The following MAP3K15 variants were observed in gnomAD, a reference collection of about 807,000 sequenced individuals.
MAP3K15 encodes MAPK/ERK kinase kinase 15.
MAP3K15 carries 124 observed loss-of-function variants against 99.5 expected under a neutral mutation model. The observed-to-expected ratio is 1.25, with a 90% CI of 1.08 to 1.45. The LOEUF (loss-of-function observed/expected upper bound fraction) is 1.45. Among genes scored for constraint, MAP3K15 ranks in the 40% most tolerant of loss-of-function variants. MAP3K15 has a pLI of 0.00. For missense variants in MAP3K15, 1,242 were observed against 1,079.7 expected (o/e 1.15, Z -2.11); for synonymous variants, 494 against 439.6 (o/e 1.12, Z -1.55).
intron 18 of MAP3K15, among the ~76,000 whole-genome samples, chrX:19,381,619 G>A (rs1288298194): frequency 1.8e-5 from 2 of 112,142 alleles, no homozygotes; most frequent in Non-Finnish European, 3.8e-5. Context: ...ACGGGGCAGG[G>A]TGTGGGAATA....
intron 1 of MAP3K15, among the ~76,000 whole-genome samples, chrX:19,498,566 T>C (rs2064421468): frequency 1.8e-5 from 2 of 112,241 alleles, no homozygotes; most frequent in African/African-American, 3.2e-5. Flanking sequence ...GGTTTCATTA[T>C]AGGTCTCTGG....
intron 4 of MAP3K15, among the ~76,000 whole-genome samples, chrX:19,463,534 T>G (rs1181616142): frequency 8.9e-6 from 1 of 112,327 alleles, no homozygotes; most frequent in Non-Finnish European, 1.9e-5. Context: ...TTAAGAAGAA[T>G]AATTTTTCTT....
intron 7 of MAP3K15, among the ~76,000 whole-genome samples, chrX:19,428,008 TGAGAA>T (rs2147306140): frequency 9.0e-6 from 1 of 111,215 alleles, no homozygotes; most frequent in South Asian, 3.9e-4. Flanking sequence ...AAAGTCATAC[TGAGAA>T]GAGGGCAGAA....
chrX:19,383,585 C>T (rs1367867693), intron 18 of MAP3K15, among the ~76,000 whole-genome samples: 1 of 112,024 alleles, frequency 8.9e-6, no homozygotes, highest in East Asian at 2.8e-4. Flanking sequence ...TACCCCTCTG[C>T]CAGGAGATTA....
chrX:19,394,837 A>T (rs867209055), intron 16 of MAP3K15, among the ~76,000 whole-genome samples: 1 of 46,801 alleles, frequency 2.1e-5, no homozygotes, highest in African/African-American at 1.5e-4. Flanking sequence ...TTTTTTTTTA[A>T]AAAGAGTGAT....
At chrX:19,440,928 A>C (rs2063954829) in intron 6 of MAP3K15, among the ~76,000 whole-genome samples, 2 of 112,515 alleles carry the variant, frequency 1.8e-5, no homozygotes, top group African/African-American at 6.5e-5. Context: ...TGAAACATGG[A>C]AAGAAGTAAT....
chrX:19,513,540 G>A (rs2064535430), intron 1 of MAP3K15, among the ~76,000 whole-genome samples: 1 of 111,506 alleles, frequency 9.0e-6, no homozygotes, highest in Admixed American at 9.5e-5. Flanking sequence ...GCTGCCACTT[G>A]TTTAAACAAG....
chrX:19,368,317 G>GTTT (rs1200324302), intron 25 of MAP3K15, among the ~76,000 whole-genome samples: 1 of 109,791 alleles, frequency 9.1e-6, no homozygotes, highest in Non-Finnish European at 1.9e-5. Flanking sequence ...TAATTTTGTA[G>GTTT]TTTTAGAAGA....
intron 9 of MAP3K15, among the ~76,000 whole-genome samples, chrX:19,423,176 TAAGAAA>T (rs1334131176): frequency 9.4e-6 from 1 of 106,553 alleles, no homozygotes; most frequent in Non-Finnish European, 1.9e-5. Flanking sequence ...TAAAGTATAA[TAAGAAA>T]AAAAGAAAAA....
rs756934013 is a variant in MAP3K15, at chrX:19,417,101, A to T, written c.1440-1844T>A. Among the ~76,000 whole-genome samples the T allele has an allele frequency of 2.7e-3, 303 of 112,038 alleles. 1 individual carries two copies. The highest frequency in any genetic ancestry group is 8.6e-3 in the African/African-American group (264 of 30,811). On this transcript the variant is annotated intron_variant, in intron 9 of 28. Transcript: ENST00000338883. ...GGCTGAATACGAACAACTCCAGTCG[A>T]CAGCCCCCAGCATGAGCGATGCAGA...
At chrX:19,372,582 T>A in intron 22 of MAP3K15, 71 bp downstream of exon 22, 1 of 1,031,447 alleles carries the variant, frequency 9.7e-7, no homozygotes, top group Admixed American at 2.8e-5. Flanking sequence ...AGGTCCTGAT[T>A]GGACCTGTCT....
chrX:19,457,738 G>C (rs1164867898), intron 5 of MAP3K15, among the ~76,000 whole-genome samples: 1 of 112,079 alleles, frequency 8.9e-6, no homozygotes, highest in Non-Finnish European at 1.9e-5. Flanking sequence ...TATTTTGCCA[G>C]AATCAAATAC....
At chrX:19,493,126 G>A (rs1279364954) in intron 1 of MAP3K15, among the ~76,000 whole-genome samples, 2 of 110,311 alleles carry the variant, frequency 1.8e-5, no homozygotes, top group East Asian at 5.7e-4. Flanking sequence ...GGGGCAGAAG[G>A]GAGGATAGGG....
At chrX:19,456,202 G>A (rs1288327665) in intron 6 of MAP3K15, among the ~76,000 whole-genome samples, 2 of 111,718 alleles carry the variant, frequency 1.8e-5, no homozygotes, top group African/African-American at 3.3e-5. Context: ...CCATAGCAGC[G>A]CTGTTCTCAG....
chrX:19,483,377 A>G, intron 3 of MAP3K15, among the ~76,000 whole-genome samples: 2 of 111,011 alleles, frequency 1.8e-5, no homozygotes, highest in Middle Eastern at 9.3e-3. Context: ...ATTACTTTTT[A>G]TTTTTCCATC....
At chrX:19,392,590 G>T in intron 16 of MAP3K15, 117 bp from the exon 17 acceptor site, 1 of 715,550 alleles carries the variant, frequency 1.4e-6, no homozygotes, top group Non-Finnish European at 2.0e-6. Context: ...AACACCATCG[G>T]ATCTGGGCTA....
At chrX:19,435,437 G>A (rs1471839932) in intron 6 of MAP3K15, among the ~76,000 whole-genome samples, 1 of 110,968 alleles carries the variant, frequency 9.0e-6, no homozygotes, top group Non-Finnish European at 1.9e-5. Context: ...TGTTGCCCAA[G>A]CTAATGCCTA....
At chrX:19,446,269 C>T (rs905178176) in intron 6 of MAP3K15, among the ~76,000 whole-genome samples, 9 of 112,127 alleles carry the variant, frequency 8.0e-5, no homozygotes, top group Non-Finnish European at 1.5e-4. Flanking sequence ...TGAGATAGAT[C>T]GCTGATAGGA....
chrX:19,409,962 G>T lies in MAP3K15; in HGVS notation c.1710C>A (p.His570Gln). ...HVSPTEMKQMHEWNFTASSIK... is the reference protein window; with the variant it reads ...HVSPTEMKQMQEWNFTASSIK... ...TGGAAGAGGCTGTAAAATTCCATTCGTGCATCTGTTTCTGCAAGTTATCAA... is the reference window on the plus strand; with the variant it reads ...TGGAAGAGGCTGTAAAATTCCATTCTTGCATCTGTTTCTGCAAGTTATCAA... Residue 570 changes from histidine (H) to glutamine (Q), a missense_variant, in exon 12 of 29, where the codon CAC (histidine) becomes CAA (glutamine). By Grantham distance (24) the His-to-Gln change is conservative (BLOSUM62 0). Coordinates refer to ENST00000338883, the MANE Select transcript of MAP3K15 (RefSeq NM_001001671.4). 1 of 1,203,997 alleles carries T rather than the reference G, an allele frequency of 8.3e-7. No homozygotes were observed. The highest frequency in any genetic ancestry group is 1.8e-5 in the South Asian group (1 of 56,424).
Sources: allele counts gnomAD v4.1 joint callset (sites outside exome capture counted in the v4.1 genomes callset), GRCh38; gene constraint gnomAD v4.1.1; transcripts MANE v1.5; gene names NCBI Gene and HGNC (gene_info 2026-07-23, HGNC 2026-07-21).